The following CCDC7 variants were observed in gnomAD, a reference collection of about 807,000 sequenced individuals.
The protein encoded by CCDC7 is coiled-coil domain containing 7, also known as coiled-coil domain-containing protein 7.
CCDC7 carries 183 observed loss-of-function variants against 196.9 expected under a neutral mutation model. The ratio of observed to expected loss-of-function variants is 0.93; its 90% confidence interval spans 0.82 to 1.05. The LOEUF is 1.05. Ranked by LOEUF, CCDC7 falls within the 50% of genes least tolerant of loss-of-function variation. The probability of loss-of-function intolerance (pLI) is 0.00; values close to 1 mark genes in which losing one functional copy is unlikely to be tolerated. For synonymous variants in CCDC7, 525 were observed against 484.6 expected (o/e 1.08, Z -1.10); for missense variants, 1,540 against 1,482.2 (o/e 1.04, Z -0.64).
At chr10:32,533,840 TG>T (rs2050071220) in intron 11 of CCDC7, among the ~76,000 whole-genome samples, 1 of 152,100 alleles carries the variant, frequency 6.6e-6, no homozygotes, top group Admixed American at 6.6e-5. Context: ...TCTTTGTCCT[TG>T]ACCTTTGAGA....
chr10:32,818,762 C>T (rs1178670501), intron 31 of CCDC7, among the ~76,000 whole-genome samples: 1 of 152,100 alleles, frequency 6.6e-6, no homozygotes, highest in African/African-American at 2.4e-5. Context: ...TTCTTTGAAA[C>T]CAATGAGAAC....
chr10:32,863,328 AC>A (rs780104456), intron 41 of CCDC7, among the ~76,000 whole-genome samples: 28 of 152,150 alleles, frequency 1.8e-4, no homozygotes, highest in Non-Finnish European at 3.1e-4. Flanking sequence ...GAACAGAGAA[AC>A]CAGAAATCCA....
At chr10:32,829,029 G>T (rs986266177) in intron 32 of CCDC7, among the ~76,000 whole-genome samples, 1 of 152,162 alleles carries the variant, frequency 6.6e-6, no homozygotes, top group African/African-American at 2.4e-5. Context: ...AGGCTAAGAA[G>T]GGGGCTACAT....
intron 28 of CCDC7, among the ~76,000 whole-genome samples, chr10:32,769,413 T>TATCAATTTTTAAA (rs1221395159): frequency 7.9e-5 from 12 of 152,138 alleles, no homozygotes; most frequent in Non-Finnish European, 4.4e-5. Flanking sequence ...GATAGTGATT[T>TATCAATTTTTAAA]ATCAATTTTT....
chr10:32,711,933 A>T (rs2080912879), intron 25 of CCDC7, among the ~76,000 whole-genome samples: 1 of 152,206 alleles, frequency 6.6e-6, no homozygotes, highest in Non-Finnish European at 1.5e-5. Context: ...TTATTACACA[A>T]CTTAATTTAT....
chr10:32,650,106 C>T (rs1366297815), intron 20 of CCDC7, among the ~76,000 whole-genome samples: 1 of 152,094 alleles, frequency 6.6e-6, no homozygotes, highest in African/African-American at 2.4e-5. Flanking sequence ...TTACCAGGGT[C>T]CTTGTCCTGA....
intron 11 of CCDC7, among the ~76,000 whole-genome samples, chr10:32,523,475 G>C (rs2048177925): frequency 6.6e-6 from 1 of 151,786 alleles, no homozygotes; most frequent in Non-Finnish European, 1.5e-5. Context: ...CTTGAACCTG[G>C]GAGGCAGAGG....
chr10:32,686,789 G>GTA (rs2076514315), intron 22 of CCDC7, among the ~76,000 whole-genome samples: 1 of 152,114 alleles, frequency 6.6e-6, no homozygotes, highest in Non-Finnish European at 1.5e-5. Context: ...TACTTTTTAT[G>GTA]TATTAATGGC....
intron 18 of CCDC7, among the ~76,000 whole-genome samples, chr10:32,633,968 C>T (rs1233173510): frequency 3.3e-5 from 5 of 151,626 alleles, no homozygotes; most frequent in Middle Eastern, 6.8e-3. Flanking sequence ...TTCATCTCTC[C>T]TTCATTCTTA....
intron 8 of CCDC7, among the ~76,000 whole-genome samples, chr10:32,484,074 A>G (rs1034495482): frequency 7.2e-5 from 11 of 152,154 alleles, no homozygotes; most frequent in African/African-American, 2.4e-4. Flanking sequence ...TGAATCTATA[A>G]ATTACCTTGG....
chr10:32,811,201 G>A (rs949677992), intron 30 of CCDC7, among the ~76,000 whole-genome samples: 2 of 151,684 alleles, frequency 1.3e-5, no homozygotes, highest in Non-Finnish European at 2.9e-5. Flanking sequence ...TTAAGCAAAG[G>A]ATCAACCAAA....
intron 24 of CCDC7, among the ~76,000 whole-genome samples, chr10:32,701,006 G>A (rs2078618807): frequency 1.3e-5 from 2 of 152,182 alleles, no homozygotes; most frequent in African/African-American, 4.8e-5. Context: ...TGCAAACAGG[G>A]ACAATATGAC....
chr10:32,564,184 C>A (rs1461392090), intron 13 of CCDC7, among the ~76,000 whole-genome samples: 1 of 152,096 alleles, frequency 6.6e-6, no homozygotes, highest in Non-Finnish European at 1.5e-5. Flanking sequence ...GAAATAGGAA[C>A]ACTTTTACAC....
At chr10:32,595,173 T>C (rs1280105014) in intron 18 of CCDC7, among the ~76,000 whole-genome samples, 1 of 152,254 alleles carries the variant, frequency 6.6e-6, no homozygotes, top group Non-Finnish European at 1.5e-5. Context: ...TGAATCTGTC[T>C]GGTCCTGGAC....
intron 21 of CCDC7, among the ~76,000 whole-genome samples, chr10:32,665,523 A>C (rs1198735972): frequency 6.6e-6 from 1 of 152,008 alleles, no homozygotes; most frequent in Non-Finnish European, 1.5e-5. Context: ...ATTCTTCTGC[A>C]TGTGGATATC....
chr10:32,541,310 G>A (rs1478397400), intron 11 of CCDC7, among the ~76,000 whole-genome samples: 2 of 142,938 alleles, frequency 1.4e-5, no homozygotes, highest in African/African-American at 2.5e-5. Context: ...CCCTCTCACT[G>A]AGTTTACACA....
intron 8 of CCDC7, among the ~76,000 whole-genome samples, chr10:32,479,431 A>G (rs999796834): frequency 1.3e-5 from 2 of 152,024 alleles, no homozygotes; most frequent in African/African-American, 4.8e-5. Flanking sequence ...AGAATGTTGA[A>G]TTTTTTCAAA....
At chr10:32,598,460 G>T (rs1293341282) in intron 18 of CCDC7, among the ~76,000 whole-genome samples, 4 of 152,152 alleles carry the variant, frequency 2.6e-5, no homozygotes, top group Admixed American at 6.5e-5. Flanking sequence ...TCCAGGGTGA[G>T]GCGATGCCCT....
intron 8 of CCDC7, among the ~76,000 whole-genome samples, chr10:32,479,838 C>CT (rs61485925): frequency 3.4e-5 from 5 of 145,688 alleles, no homozygotes; most frequent in African/African-American, 1.3e-4. Context: ...CTGGTTTTTT[C>CT]TTTTTTTTTT....
Sources: gnomAD v4.1 joint callset for allele counts (sites outside exome capture counted in the v4.1 genomes callset) on GRCh38, gnomAD v4.1.1 for gene constraint, MANE v1.5 for transcripts, NCBI Gene and HGNC (gene_info 2026-07-23, HGNC 2026-07-21) for gene names.